ABCB11: variants seen among roughly 807,000 people sequenced by gnomAD.
The protein encoded by ABCB11 is ATP binding cassette subfamily B member 11.
A neutral mutation model predicts 148.0 loss-of-function variants in ABCB11; 95 were observed. That is an observed-to-expected ratio of 0.64 (90% CI 0.54 to 0.76). The LOEUF (loss-of-function observed/expected upper bound fraction) is 0.76. ABCB11 is among the 30% of genes least tolerant of loss of function. The pLI, the probability that ABCB11 is intolerant of heterozygous loss-of-function variation, is 0.00. For missense variants in ABCB11, 1,523 were observed against 1,617.8 expected, an observed-to-expected ratio of 0.94 and a Z score of 1.01; for synonymous variants, 591 against 555.4, an observed-to-expected ratio of 1.06 and a Z score of -0.90.
At chr2:168,940,693 A>G (rs1451993764) in intron 21 of ABCB11, among the ~76,000 whole-genome samples, 1 of 152,092 alleles carries the variant, frequency 6.6e-6, no homozygotes, top group Non-Finnish European at 1.5e-5. Flanking sequence ...ACAGCTTTCT[A>G]TTGGAGGAAG....
In ABCB11 at chr2:168,935,322, G is replaced by A. The variant is rs757527056; in HGVS notation, c.2918C>T (p.Thr973Ile). 2 of 1,614,042 alleles carry A rather than the reference G, an allele frequency of 1.2e-6. No individual in the cohort carries two copies. Among genetic ancestry groups the A allele is most frequent in the South Asian group, 1.1e-5 (1 of 91,082 alleles). ...LETELEKPFKTAIQKANIYGF... is the reference protein window; with the variant it reads ...LETELEKPFKIAIQKANIYGF... Reference sequence around the variant, plus strand: ...GTAAATATTGGCTTTCTGAATGGCTGTCTTGAAGGGCTTCTCCAGCTCAGT... The same window carrying A: ...GTAAATATTGGCTTTCTGAATGGCTATCTTGAAGGGCTTCTCCAGCTCAGT... Residue 973 changes from threonine to isoleucine, a missense_variant, in exon 23 of 28, where the codon ACA (threonine) becomes ATA (isoleucine). Coordinates refer to ENST00000650372, the MANE Select transcript of ABCB11 (RefSeq NM_003742.4).
chr2:168,971,159 C>G (rs1253867512), intron 14 of ABCB11, among the ~76,000 whole-genome samples: 1 of 151,952 alleles, frequency 6.6e-6, no homozygotes, highest in Non-Finnish European at 1.5e-5. Context: ...CTCTCAGAAC[C>G]TCAGTTTTCT....
At chr2:168,983,546 T>C (rs1346639129) in intron 10 of ABCB11, among the ~76,000 whole-genome samples, 2 of 152,168 alleles carry the variant, frequency 1.3e-5, no homozygotes, top group Non-Finnish European at 2.9e-5. Context: ...TTTAACAAAG[T>C]TCAAAAGATG....
intron 10 of ABCB11, among the ~76,000 whole-genome samples, chr2:168,983,899 A>G (rs1694221802): frequency 6.6e-6 from 1 of 152,166 alleles, no homozygotes; most frequent in Non-Finnish European, 1.5e-5. Flanking sequence ...TGAAACAGAT[A>G]TTTCATTTTT....
chr2:169,031,181 G>C (rs1695857540), intron 1 of ABCB11, 44 bp downstream of exon 1: 1 of 152,164 alleles, frequency 6.6e-6, no homozygotes, highest in African/African-American at 2.4e-5. Context: ...AAGAGTTAAA[G>C]GGAAGAGGGA....
chr2:168,929,095 C>T (rs1413412928), intron 25 of ABCB11, among the ~76,000 whole-genome samples: 1 of 152,108 alleles, frequency 6.6e-6, no homozygotes, highest in Non-Finnish European at 1.5e-5. Context: ...AGAAAGGCCA[C>T]TTTCAAAATA....
intron 5 of ABCB11, among the ~76,000 whole-genome samples, chr2:168,997,086 A>G (rs922603931): frequency 6.6e-6 from 1 of 152,032 alleles, no homozygotes; most frequent in African/African-American, 2.4e-5. Flanking sequence ...AGTCTCTTCC[A>G]TGCATACTCA....
intron 9 of ABCB11, among the ~76,000 whole-genome samples, chr2:168,990,436 G>A (rs1212522108): frequency 2.0e-5 from 3 of 151,996 alleles, no homozygotes; most frequent in South Asian, 4.1e-4. Context: ...CTGTATTTCT[G>A]TGGTATCAGT....
chr2:168,936,903 T>C (rs1691857872), intron 21 of ABCB11, among the ~76,000 whole-genome samples: 1 of 152,194 alleles, frequency 6.6e-6, no homozygotes. Flanking sequence ...TTTTATTTTA[T>C]TTTGAGACAA....
At chr2:168,968,293 T>C in intron 17 of ABCB11, 134 bp downstream of exon 17, 3 of 767,828 alleles carry the variant, frequency 3.9e-6, no homozygotes, top group Non-Finnish European at 4.4e-6. Flanking sequence ...ACTTGCATGT[T>C]CATATTTGAC....
At chr2:168,924,886 G>T in intron 26 of ABCB11, 83 bp from the exon 27 acceptor site, 2 of 1,175,608 alleles carry the variant, frequency 1.7e-6, no homozygotes, top group Non-Finnish European at 2.3e-6. Flanking sequence ...GGTCTCCTCT[G>T]TAATTTAAAT....
intron 24 of ABCB11, 107 bp from the exon 25 acceptor site, chr2:168,930,969 C>T: frequency 2.0e-6 from 2 of 1,005,644 alleles, no homozygotes; most frequent in Non-Finnish European, 2.9e-6. Flanking sequence ...ACCTTCAAAC[C>T]ATGCTGCCAA....
At chr2:168,994,551 C>T (rs1018020095) in intron 7 of ABCB11, among the ~76,000 whole-genome samples, 1 of 151,826 alleles carries the variant, frequency 6.6e-6, no homozygotes, top group East Asian at 1.9e-4. Flanking sequence ...ATTAAAGTAG[C>T]GAATATATGT....
intron 5 of ABCB11, among the ~76,000 whole-genome samples, chr2:169,002,881 A>G (rs933454803): frequency 6.6e-6 from 1 of 152,204 alleles, no homozygotes; most frequent in East Asian, 1.9e-4. Flanking sequence ...AATGTTTTGT[A>G]TGCTTGAAAA....
intron 19 of ABCB11, among the ~76,000 whole-genome samples, chr2:168,952,786 A>T (rs1310241530): frequency 6.6e-6 from 1 of 150,430 alleles, no homozygotes; most frequent in Non-Finnish European, 1.5e-5. Context: ...AGTTTCTTGA[A>T]GTGCAATGAT....
At chr2:169,025,707 A>G (rs578143789) in intron 1 of ABCB11, among the ~76,000 whole-genome samples, 36 of 152,344 alleles carry the variant, frequency 2.4e-4, no homozygotes, top group Admixed American at 2.4e-3. Context: ...TTTTACTGTT[A>G]AAAGTTACAT....
chr2:168,923,969 T>C, intron 27 of ABCB11, 147 bp from the exon 28 acceptor site: 1 of 722,916 alleles, frequency 1.4e-6, no homozygotes, highest in East Asian at 2.7e-5. Context: ...ATTAAGCAAG[T>C]ATTCCCTGAA....
intron 19 of ABCB11, among the ~76,000 whole-genome samples, chr2:168,953,276 G>GATCT (rs572540305): frequency 1.2e-3 from 183 of 151,670 alleles, no homozygotes; most frequent in Non-Finnish European, 5.9e-4. Context: ...CTGACATGAT[G>GATCT]ATCTGGCTAG....
intron 19 of ABCB11, among the ~76,000 whole-genome samples, chr2:168,955,288 C>T (rs941427754): frequency 6.6e-6 from 1 of 151,574 alleles, no homozygotes; most frequent in African/African-American, 2.4e-5. Context: ...AAACTGTTCT[C>T]ACACTGCTAT....
Sources: gnomAD v4.1 joint callset for allele counts (sites outside exome capture counted in the v4.1 genomes callset) on GRCh38, gnomAD v4.1.1 for gene constraint, MANE v1.5 for transcripts, NCBI Gene and HGNC (gene_info 2026-07-23, HGNC 2026-07-21) for gene names.